The following DIAPH2 variants were observed in gnomAD, a reference collection of about 807,000 sequenced individuals.
The protein encoded by DIAPH2 is diaphanous related formin 2.
DIAPH2 carries 35 observed loss-of-function variants against 92.7 expected under a neutral mutation model. The ratio of observed to expected loss-of-function variants is 0.38; its 90% CI spans 0.29 to 0.50. The LOEUF (loss-of-function observed/expected upper bound fraction) is 0.50, where lower values mean the gene tolerates loss of function less well. DIAPH2 is among the 20% of genes least tolerant of loss of function. The pLI, the probability that DIAPH2 is intolerant of heterozygous loss-of-function variation, is 0.94. For synonymous variants in DIAPH2, 301 were observed against 280.4 expected (o/e 1.07, Z -0.73); for missense variants, 701 against 819.5 (o/e 0.86, Z 1.77).
intron 25 of DIAPH2, among the ~76,000 whole-genome samples, chrX:97,408,492 A>C (rs1291953983): frequency 4.5e-5 from 5 of 111,406 alleles, no homozygotes; most frequent in Non-Finnish European, 7.5e-5. Flanking sequence ...ATTTTTTTCT[A>C]TTGGAGAACA....
At chrX:97,566,466 A>T in intron 26 of DIAPH2, among the ~76,000 whole-genome samples, 1 of 111,962 alleles carries the variant, frequency 8.9e-6, no homozygotes. Flanking sequence ...CAATGCATGG[A>T]ATACTTTGTG....
intron 26 of DIAPH2, among the ~76,000 whole-genome samples, chrX:97,521,569 TG>T (rs200805486): frequency 0.012 from 1,390 of 111,546 alleles, 23 homozygotes; most frequent in African/African-American, 0.043. Flanking sequence ...AGGGACCCAG[TG>T]GGAGGTAATT....
chrX:97,323,914 A>AT (rs2068928007), intron 23 of DIAPH2, among the ~76,000 whole-genome samples: 1 of 109,266 alleles, frequency 9.2e-6, no homozygotes, highest in African/African-American at 3.3e-5. Flanking sequence ...AAAAAAAAAA[A>AT]AAAAAAAAAA....
At chrX:96,918,183 G>A (rs1453345413) in intron 8 of DIAPH2, among the ~76,000 whole-genome samples, 1 of 110,876 alleles carries the variant, frequency 9.0e-6, no homozygotes, top group African/African-American at 3.3e-5. Flanking sequence ...TCTATTTTAT[G>A]TGATAGTGAC....
chrX:97,484,901 A>G (rs2070677229), intron 26 of DIAPH2, among the ~76,000 whole-genome samples: 1 of 112,259 alleles, frequency 8.9e-6, no homozygotes, highest in Non-Finnish European at 1.9e-5. Flanking sequence ...AAAAGAAAAG[A>G]AAAGATTAAA....
chrX:97,277,878 G>C (rs1051693494), intron 23 of DIAPH2, among the ~76,000 whole-genome samples: 1 of 112,099 alleles, frequency 8.9e-6, no homozygotes, highest in Non-Finnish European at 1.9e-5. Flanking sequence ...TAGCATTCTC[G>C]CTCTGTTGCC....
chrX:97,172,082 A>T (rs1046294160), intron 22 of DIAPH2, among the ~76,000 whole-genome samples: 1 of 112,140 alleles, frequency 8.9e-6, no homozygotes, highest in Non-Finnish European at 1.9e-5. Flanking sequence ...ATATATGTCT[A>T]TGCATGTCTG....
chrX:97,537,263 G>C (rs1407736618), intron 26 of DIAPH2, among the ~76,000 whole-genome samples: 1 of 111,712 alleles, frequency 9.0e-6, no homozygotes, highest in East Asian at 2.8e-4. Flanking sequence ...TGAGAAGTCA[G>C]ATCCTGGAAG....
intron 24 of DIAPH2, among the ~76,000 whole-genome samples, chrX:97,356,242 C>T (rs1293918644): frequency 9.0e-6 from 1 of 111,596 alleles, no homozygotes. Context: ...TCTTAAGCCC[C>T]TCCATTGCCC....
intron 5 of DIAPH2, among the ~76,000 whole-genome samples, chrX:96,888,961 T>C (rs1399647293): frequency 1.8e-5 from 2 of 110,961 alleles, no homozygotes; most frequent in Non-Finnish European, 3.8e-5. Flanking sequence ...ATAGTATTCT[T>C]TCACTGTTGT....
At chrX:97,413,536 G>A (rs755665022) in intron 25 of DIAPH2, among the ~76,000 whole-genome samples, 1 of 111,167 alleles carries the variant, frequency 9.0e-6, no homozygotes, top group Non-Finnish European at 1.9e-5. Flanking sequence ...TCAACATAGT[G>A]TTGGAAGTTC....
chrX:96,840,834 C>A (rs919685069), intron 4 of DIAPH2, among the ~76,000 whole-genome samples: 3 of 109,897 alleles, frequency 2.7e-5, no homozygotes, highest in Non-Finnish European at 5.7e-5. Context: ...AGGATGGTCT[C>A]GATCTCCTGA....
Position 97,196,889 on chromosome X carries a change from C to T in DIAPH2, c.2720-50826C>T, listed in dbSNP as rs773181276. Among the ~76,000 whole-genome samples the T allele has an allele frequency of 3.7e-5, 4 of 107,094 alleles. No individual in the cohort carries two copies. The South Asian group carries it at 1.7e-3, about 44-fold the overall frequency. 93.0% of individuals were successfully genotyped at this position (107,094 alleles called of 115,157 possible). A position where few individuals can be genotyped will look rare whatever the true frequency, so the allele number is the denominator to read the frequency against. ...GCAACCTCCGCCTGCCGGGTTCAAG[C>T]GATTTTCCTGCCTCAGCCTCCCAAA... On this transcript the variant is annotated intron_variant, in intron 22 of 26. Transcript: ENST00000324765.
chrX:96,806,196 C>G (rs903615354), intron 4 of DIAPH2, among the ~76,000 whole-genome samples: 2 of 111,686 alleles, frequency 1.8e-5, no homozygotes, highest in Non-Finnish European at 3.8e-5. Flanking sequence ...CAAATTTCTA[C>G]CTCAGTATCC....
At chrX:97,381,788 T>C (rs1383773151) in intron 24 of DIAPH2, among the ~76,000 whole-genome samples, 2 of 112,106 alleles carry the variant, frequency 1.8e-5, no homozygotes, top group Non-Finnish European at 3.8e-5. Context: ...CTATAAAGAT[T>C]ATAAAGTATG....
intron 20 of DIAPH2, among the ~76,000 whole-genome samples, chrX:97,106,205 A>G (rs984683186): frequency 2.7e-5 from 3 of 111,245 alleles, no homozygotes; most frequent in African/African-American, 9.8e-5. Flanking sequence ...ATATGCCTGC[A>G]TTTGGAGTAT....
chrX:96,999,590 G>A (rs1356963019), intron 17 of DIAPH2, among the ~76,000 whole-genome samples: 1 of 110,053 alleles, frequency 9.1e-6, no homozygotes, highest in East Asian at 2.8e-4. Context: ...GCTTAAGTGT[G>A]TCTATGTATT....
chrX:97,448,122 G>A (rs919699557), intron 26 of DIAPH2, among the ~76,000 whole-genome samples: 7 of 111,936 alleles, frequency 6.3e-5, no homozygotes, highest in Non-Finnish European at 1.3e-4. Flanking sequence ...TTTTGTGCTT[G>A]TTGTCCTAAA....
chrX:97,364,513 A>C (rs1490136123), intron 24 of DIAPH2, among the ~76,000 whole-genome samples: 2 of 112,269 alleles, frequency 1.8e-5, no homozygotes. Context: ...GGATGTCTAC[A>C]GGGGGTTACC....
Sources: allele counts gnomAD v4.1 joint callset (sites outside exome capture counted in the v4.1 genomes callset), GRCh38; gene constraint gnomAD v4.1.1; transcripts MANE v1.5; gene names NCBI Gene and HGNC (gene_info 2026-07-23, HGNC 2026-07-21).